Variants in DTL observed in about 807,000 individuals in gnomAD.
DTL encodes the protein denticleless E3 ubiquitin protein ligase adapter.
In DTL, 46 loss-of-function variants were observed where a neutral mutation model predicts 87.0. The observed-to-expected ratio is 0.53, with a 90% CI of 0.42 to 0.68. The LOEUF is 0.68. DTL is among the 30% of genes least tolerant of loss of function. The pLI is 0.00. For synonymous variants in DTL, 308 were observed against 311.2 expected, an observed-to-expected ratio of 0.99 and a Z score of 0.11; for missense variants, 737 against 869.4, an observed-to-expected ratio of 0.85 and a Z score of 1.91.
intron 5 of DTL, among the ~76,000 whole-genome samples, chr1:212,059,159 C>T (rs915714051): frequency 6.6e-6 from 1 of 152,022 alleles, no homozygotes; most frequent in African/African-American, 2.4e-5. Flanking sequence ...GGGAATTCTC[C>T]CTAACTCATT....
intron 10 of DTL, 121 bp from the exon 11 acceptor site, chr1:212,071,980 A>G (rs1177959614): frequency 1.5e-6 from 1 of 680,908 alleles, no homozygotes; most frequent in Admixed American, 2.6e-5. Context: ...GGATAAAGCT[A>G]GATCATCTGC....
At chr1:212,038,195 G>A (rs1439575156) in intron 1 of DTL, among the ~76,000 whole-genome samples, 1 of 152,220 alleles carries the variant, frequency 6.6e-6, no homozygotes, top group African/African-American at 2.4e-5. Flanking sequence ...CATGGGAAGA[G>A]CATGTACAAA....
chr1:212,060,245 T>G (rs186332163), intron 5 of DTL, among the ~76,000 whole-genome samples: 1 of 151,814 alleles, frequency 6.6e-6, no homozygotes, highest in Non-Finnish European at 1.5e-5. Flanking sequence ...ATAGCTAATA[T>G]AATAACTAAA....
intron 13 of DTL, among the ~76,000 whole-genome samples, chr1:212,085,346 G>A (rs1232571672): frequency 6.6e-6 from 1 of 152,146 alleles, no homozygotes; most frequent in Non-Finnish European, 1.5e-5. Flanking sequence ...ATCCTAGCAG[G>A]TGTGAATTAG....
At chr1:212,070,261 A>G (rs1029467368) in intron 10 of DTL, among the ~76,000 whole-genome samples, 7 of 152,122 alleles carry the variant, frequency 4.6e-5, no homozygotes, top group Non-Finnish European at 8.8e-5. Flanking sequence ...CTATGCTTCT[A>G]TTTAATTTCA....
chr1:212,086,083 TG>T (rs1655121374), intron 13 of DTL, among the ~76,000 whole-genome samples: 1 of 152,230 alleles, frequency 6.6e-6, no homozygotes, highest in Non-Finnish European at 1.5e-5. Context: ...ATTTCAAGAT[TG>T]TCTCGACTGT....
chr1:212,049,276 C>G (rs1224854528), intron 5 of DTL, among the ~76,000 whole-genome samples: 1 of 152,160 alleles, frequency 6.6e-6, no homozygotes, highest in Non-Finnish European at 1.5e-5. Context: ...GCAGTTGAAA[C>G]TGGAACCTTG....
chr1:212,083,434 A>G (rs1655041825), intron 13 of DTL, among the ~76,000 whole-genome samples: 2 of 152,170 alleles, frequency 1.3e-5, no homozygotes, highest in South Asian at 4.1e-4. Context: ...GGGCCAAGGG[A>G]TAGTGTAAAT....
rs556939283 is a variant in DTL at position 212,041,839 on chromosome 1, C to T, written c.53-1154C>T. 3.3e-4 allele frequency among the ~76,000 whole-genome samples: 50 copies of T among 152,216 alleles called. 1 individual carries two copies. Among genetic ancestry groups the T allele is most frequent in the Admixed American group, 5.9e-4 (9 of 15,284 alleles). ...GCATTCTTTTAGTGGTCTTTAACAG[C>T]TCCTTTACAATGATATGTGATGCTG... On this transcript the variant is annotated intron_variant, in intron 1 of 14. Transcript: ENST00000366991.
intron 13 of DTL, among the ~76,000 whole-genome samples, chr1:212,096,407 C>T (rs1655452799): frequency 6.6e-6 from 1 of 151,998 alleles, no homozygotes; most frequent in Non-Finnish European, 1.5e-5. Context: ...ATCTTTCCTC[C>T]TCCTGGGTTT....
chr1:212,096,448 T>G (rs960941578), intron 13 of DTL, among the ~76,000 whole-genome samples: 1 of 152,216 alleles, frequency 6.6e-6, no homozygotes, highest in African/African-American at 2.4e-5. Flanking sequence ...TCTCTAGTTC[T>G]TGAGGTGTGA....
chr1:212,036,000 C>A, intron 1 of DTL, 58 bp downstream of exon 1: 2 of 1,552,174 alleles, frequency 1.3e-6, no homozygotes, highest in Non-Finnish European at 1.8e-6. Flanking sequence ...CCCCGAAACA[C>A]ACGCCACCTC....
At chr1:212,042,112 ATG>A (rs1667670332) in intron 1 of DTL, among the ~76,000 whole-genome samples, 1 of 152,152 alleles carries the variant, frequency 6.6e-6, no homozygotes. Flanking sequence ...GTTTCCTCCA[ATG>A]CTTATTGAAC....
Position 212,047,411 on chromosome 1 carries a change from G to A in DTL, c.454G>A (p.Glu152Lys). Residue 152 changes from glutamate to lysine, a missense_variant, in exon 5 of 15, where the codon GAG (glutamate) becomes AAG (lysine). Glu to Lys is a moderately conservative substitution (Grantham distance 56). Coordinates refer to ENST00000366991, the MANE Select transcript of DTL (RefSeq NM_016448.4). ...CAAGTCAGTTGCCTTTTCTAAGTTT[G>A]AGAAAGGTAGGTTTGTGCTTATCTT... ...SLKSVAFSKF[E>K]KAVFCTGGRD... The A allele has an allele frequency of 6.2e-7, 1 of 1,614,174 alleles. No individual in the cohort carries two copies. The highest frequency in any genetic ancestry group is 8.5e-7 in the Non-Finnish European group (1 of 1,180,032).
At chr1:212,043,631 G>GC (rs113908732) in intron 2 of DTL, among the ~76,000 whole-genome samples, 13,450 of 151,784 alleles carry the variant, frequency 0.089, 870 homozygotes, top group African/African-American at 0.19. Flanking sequence ...GGAGTTCAAG[G>GC]CAGCCTGGCC....
chr1:212,053,050 C>G (rs1668046977), intron 5 of DTL, among the ~76,000 whole-genome samples: 1 of 152,164 alleles, frequency 6.6e-6, no homozygotes, highest in African/African-American at 2.4e-5. Flanking sequence ...GCCCATTATA[C>G]ACATGCATAC....
rs536742485 is a variant in DTL, at chr1:212,088,767, G to C, written c.1261+8017G>C. ...AGTACATGATAAGACTGAAAAGGCA[G>C]GCTGAGGCCAGATGGCAAACTCATA... On this transcript the variant is annotated intron_variant, in intron 13 of 14. Transcript: ENST00000366991. Among the ~76,000 whole-genome samples, 15 of 152,336 alleles carry C rather than the reference G, an allele frequency of 9.8e-5. No homozygotes were observed. In the South Asian group the frequency reaches 3.1e-3, roughly 32 times the overall value.
At chr1:212,079,313 CT>C (rs1014480549) in intron 12 of DTL, among the ~76,000 whole-genome samples, 8 of 152,030 alleles carry the variant, frequency 5.3e-5, no homozygotes, top group East Asian at 3.9e-4. Flanking sequence ...ATTATGTTAT[CT>C]TTTTTTCAAT....
rs1043786654 is a variant in DTL at position 212,037,671 on chromosome 1, G to T, written c.52+1729G>T. On this transcript the variant is annotated intron_variant, in intron 1 of 14. Transcript: ENST00000366991. ...ATATTAAATGTTGAAATAATTGTGT[G>T]CTATACATATATTTGAGAAAGATTA... 2.0e-5 allele frequency among the ~76,000 whole-genome samples: 3 copies of T among 152,234 alleles called. No homozygotes were observed. The East Asian group carries it at 5.8e-4, about 29-fold the overall frequency.
Sources: gnomAD v4.1 joint callset for allele counts (sites outside exome capture counted in the v4.1 genomes callset) on GRCh38, gnomAD v4.1.1 for gene constraint, MANE v1.5 for transcripts, NCBI Gene and HGNC (gene_info 2026-07-23, HGNC 2026-07-21) for gene names.